Variants in SCN2A observed in about 807,000 individuals in gnomAD.
SCN2A encodes the protein sodium channel protein type 2 subunit alpha.
In SCN2A, 20 loss-of-function variants were observed where a neutral mutation model predicts 188.7. That is an observed-to-expected ratio of 0.11 (90% CI 0.07 to 0.15). The LOEUF is 0.15. SCN2A is among the 10% of genes least tolerant of loss of function. The probability of loss-of-function intolerance (pLI) is 1.00; values close to 1 mark genes in which losing one functional copy is unlikely to be tolerated. For missense variants in SCN2A, 1,278 were observed against 2,445.0 expected (o/e 0.52, Z 10.07); for synonymous variants, 804 against 833.1 (o/e 0.97, Z 0.60).
At position 165,354,567 on chromosome 2, in the gene SCN2A, C is replaced by G; in HGVS notation, c.3295C>G (p.Pro1099Ala). The change falls in exon 17 of 27, where the codon CCT (proline) becomes GCT (alanine). Residue 1099 changes from proline to alanine, a missense_variant. Coordinates refer to ENST00000375437, the MANE Select transcript of SCN2A (RefSeq NM_001040142.2). ...TGATTACATGTCATTTATAAACAACCCTAGCCTCACTGTGACAGTACCAAT... is the reference window on the plus strand; with the variant it reads ...TGATTACATGTCATTTATAAACAACGCTAGCCTCACTGTGACAGTACCAAT... Reference protein sequence around the residue: ...ESDYMSFINNPSLTVTVPIAV... With the variant: ...ESDYMSFINNASLTVTVPIAV... 6.2e-7 allele frequency: 1 copy of G among 1,613,960 alleles called. No homozygotes were observed.
At chr2:165,252,719 A>G (rs1236545327) in intron 1 of SCN2A, among the ~76,000 whole-genome samples, 1 of 152,038 alleles carries the variant, frequency 6.6e-6, no homozygotes, top group East Asian at 1.9e-4. Flanking sequence ...GAGTTAGGCA[A>G]AGATTTCTCT....
chr2:165,308,641 T>C, intron 4 of SCN2A, 25 bp from the exon 5 acceptor site: 4 of 1,608,240 alleles, frequency 2.5e-6, no homozygotes, highest in Non-Finnish European at 3.4e-6. Flanking sequence ...AGATTTTTAA[T>C]GTGAGCTTGG....
At chr2:165,302,685 G>A (rs1469146522) in intron 3 of SCN2A, among the ~76,000 whole-genome samples, 1 of 152,070 alleles carries the variant, frequency 6.6e-6, no homozygotes, top group African/African-American at 2.4e-5. Context: ...TAAACAAATT[G>A]CTGAAGCCCA....
intron 17 of SCN2A, among the ~76,000 whole-genome samples, chr2:165,356,807 C>T (rs1700203470): frequency 6.6e-6 from 1 of 152,156 alleles, no homozygotes; most frequent in African/African-American, 2.4e-5. Context: ...GAGGGAAGTC[C>T]AGTGATGTGG....
At chr2:165,377,504 A>G in intron 22 of SCN2A, 93 bp from the exon 23 acceptor site, 1 of 1,130,350 alleles carries the variant, frequency 8.8e-7, no homozygotes. Flanking sequence ...CCTGTATTGA[A>G]TACATGTCAA....
intron 1 of SCN2A, among the ~76,000 whole-genome samples, chr2:165,275,638 C>T (rs897383229): frequency 2.6e-4 from 40 of 152,128 alleles, no homozygotes; most frequent in African/African-American, 9.4e-4. Flanking sequence ...TGGTTTCATT[C>T]ATTGTGCTTA....
At chr2:165,291,035 CTTTTTTTTT>C (rs55979694) in intron 1 of SCN2A, among the ~76,000 whole-genome samples, 4 of 79,970 alleles carry the variant, frequency 5.0e-5, no homozygotes, top group Non-Finnish European at 9.3e-5. Flanking sequence ...TCTTTTCTTT[CTTTTTTTTT>C]TTTTTTTTTT....
intron 1 of SCN2A, among the ~76,000 whole-genome samples, chr2:165,263,839 T>C (rs940267292): frequency 6.6e-6 from 1 of 152,106 alleles, no homozygotes; most frequent in African/African-American, 2.4e-5. Context: ...TAGTTTTCCT[T>C]GTAGAAGTCT....
At chr2:165,287,643 T>G (rs1695911461) in intron 1 of SCN2A, among the ~76,000 whole-genome samples, 1 of 152,118 alleles carries the variant, frequency 6.6e-6, no homozygotes, top group South Asian at 2.1e-4. Flanking sequence ...AGGGAGGGGC[T>G]CTCTACTGCC....
chr2:165,257,907 A>G lies in SCN2A; in HGVS notation c.-52+18267A>G, dbSNP rs557694129. Reference sequence around the variant, plus strand: ...AGTTTTTTCTTCATACGTTTGTCCCATGTATGTCTTCTTGACATGTATGTC... The same window carrying G: ...AGTTTTTTCTTCATACGTTTGTCCCGTGTATGTCTTCTTGACATGTATGTC... On this transcript the variant is annotated intron_variant, in intron 1 of 26. Transcript: ENST00000375437. 2.6e-5 allele frequency among the ~76,000 whole-genome samples: 4 copies of G among 152,164 alleles called. No homozygotes were observed. The East Asian group carries it at 7.8e-4, about 30-fold the overall frequency.
intron 12 of SCN2A, 39 bp downstream of exon 12, chr2:165,323,539 T>A: frequency 1.9e-6 from 3 of 1,543,960 alleles, no homozygotes; most frequent in Non-Finnish European, 2.7e-6. Flanking sequence ...TGAAGAGAGT[T>A]GTGACTGGTG....
chr2:165,363,286 C>T (rs1311889764), intron 17 of SCN2A, among the ~76,000 whole-genome samples: 2 of 152,036 alleles, frequency 1.3e-5, no homozygotes, highest in Non-Finnish European at 2.9e-5. Context: ...TTTGCAGAAC[C>T]CTGAATATGG....
chr2:165,389,305 A>T lies in SCN2A; in HGVS notation c.5499A>T (p.Lys1833Asn). Residue 1833 changes from lysine to asparagine, a missense_variant, in exon 27 of 27, where the codon AAA becomes AAT. By Grantham distance (94) the Lys-to-Asn change is moderately conservative. Transcript: ENST00000375437. This position sits in a 1 kb window ranked among gnomAD's most constrained non-coding sequence, Gnocchi z 4.2. ...TGGATCCTCCTCTTCTCATAGCAAAACCCAACAAAGTCCAGCTCATTGCCA... is the reference window on the plus strand; with the variant it reads ...TGGATCCTCCTCTTCTCATAGCAAATCCCAACAAAGTCCAGCTCATTGCCA... ...DALDPPLLIA[K>N]PNKVQLIAMD... The T allele has an allele frequency of 6.2e-7, 1 of 1,613,906 alleles. No homozygotes were observed.
chr2:165,336,503 A>G (rs1699000729), intron 14 of SCN2A, among the ~76,000 whole-genome samples: 1 of 151,970 alleles, frequency 6.6e-6, no homozygotes, highest in Non-Finnish European at 1.5e-5. Flanking sequence ...TCATATTGCT[A>G]CATTTATATG....
chr2:165,266,367 A>T (rs1694863714), intron 1 of SCN2A: 1 of 152,108 alleles, frequency 6.6e-6, no homozygotes, highest in African/African-American at 2.4e-5. Context: ...TTAAGGCAGA[A>T]TAATTTTTCT....
chr2:165,298,166 T>C (rs951486787), intron 3 of SCN2A, among the ~76,000 whole-genome samples: 1 of 152,236 alleles, frequency 6.6e-6, no homozygotes, highest in African/African-American at 2.4e-5. Flanking sequence ...ATGTTATTTC[T>C]TCTTCAGAAA....
At chr2:165,291,471 TTTC>T (rs762623042) in intron 1 of SCN2A, among the ~76,000 whole-genome samples, 2 of 41,408 alleles carry the variant, frequency 4.8e-5, no homozygotes, top group Admixed American at 2.8e-4. Flanking sequence ...TCTTTCTTTC[TTTC>T]TTTCTTTCTT....
At chr2:165,380,921 G>A (rs1701570028) in intron 24 of SCN2A, 172 bp from the exon 25 acceptor site, 2 of 684,150 alleles carry the variant, frequency 2.9e-6, no homozygotes, top group Non-Finnish European at 2.5e-6. Flanking sequence ...TTTTAGTCTA[G>A]AAATATGACT....
At chr2:165,308,051 A>C (rs1324258748) in intron 4 of SCN2A, 114 bp downstream of exon 4, 1 of 786,050 alleles carries the variant, frequency 1.3e-6, no homozygotes, top group Non-Finnish European at 2.3e-6. Flanking sequence ...TGTTAACCAG[A>C]CCCTGATTCA....
Sources: gnomAD v4.1 joint callset for allele counts (sites outside exome capture counted in the v4.1 genomes callset) on GRCh38, gnomAD v4.1.1 for gene constraint, Gnocchi (gnomAD v3.1) non-coding constraint, MANE v1.5 for transcripts, NCBI Gene and HGNC (gene_info 2026-07-23, HGNC 2026-07-21) for gene names.